CADPS2: variants seen among roughly 807,000 people sequenced by gnomAD.
CADPS2 encodes calcium-dependent secretion activator 2.
CADPS2 carries 93 observed loss-of-function variants against 172.5 expected under a neutral mutation model. The observed-to-expected ratio is 0.54, with a 90% CI of 0.46 to 0.64. The LOEUF is 0.64. Ranked by LOEUF, CADPS2 falls within the 30% of genes least tolerant of loss-of-function variation. The pLI is 0.00. For missense variants in CADPS2, 1,420 were observed against 1,565.9 expected, an observed-to-expected ratio of 0.91 and a Z score of 1.57; for synonymous variants, 546 against 555.2, an observed-to-expected ratio of 0.98 and a Z score of 0.23.
At chr7:122,662,314 G>A (rs2080665530) in intron 3 of CADPS2, among the ~76,000 whole-genome samples, 1 of 148,938 alleles carries the variant, frequency 6.7e-6, no homozygotes, top group South Asian at 2.1e-4. Flanking sequence ...TACATTATTA[G>A]ACAAATCATT....
At chr7:122,385,009 A>G (rs2043452466) in intron 24 of CADPS2, among the ~76,000 whole-genome samples, 2 of 152,084 alleles carry the variant, frequency 1.3e-5, no homozygotes, top group South Asian at 4.1e-4. Flanking sequence ...ACCCAGTATG[A>G]ATGGAAGATG....
chr7:122,884,950 A>G (rs535193542), intron 1 of CADPS2, among the ~76,000 whole-genome samples: 7 of 152,370 alleles, frequency 4.6e-5, no homozygotes, highest in African/African-American at 1.4e-4. Context: ...TGCCTCACAC[A>G]CTGAAGTTAA....
intron 13 of CADPS2, 43 bp downstream of exon 13, chr7:122,474,338 C>A (rs2056365718): frequency 1.3e-6 from 2 of 1,574,750 alleles, no homozygotes; most frequent in Non-Finnish European, 1.7e-6. Context: ...GATCTAAAAT[C>A]TTTTATTCCA....
intron 8 of CADPS2, among the ~76,000 whole-genome samples, chr7:122,514,717 T>C (rs1009992816): frequency 6.6e-6 from 1 of 152,202 alleles, no homozygotes; most frequent in Admixed American, 6.5e-5. Context: ...GTTTATATTA[T>C]TGGAAACTGA....
chr7:122,747,440 G>C (rs1425002616), intron 1 of CADPS2, among the ~76,000 whole-genome samples: 2 of 151,806 alleles, frequency 1.3e-5, no homozygotes, highest in Non-Finnish European at 2.9e-5. Context: ...AATAATGAGG[G>C]ACTCATTCTT....
intron 7 of CADPS2, among the ~76,000 whole-genome samples, chr7:122,563,601 A>G (rs1361997317): frequency 6.6e-6 from 1 of 152,164 alleles, no homozygotes; most frequent in Non-Finnish European, 1.5e-5. Context: ...CATAAATATA[A>G]CAAATTTAGT....
intron 6 of CADPS2, among the ~76,000 whole-genome samples, chr7:122,598,300 CTA>C (rs1427042703): frequency 6.6e-6 from 1 of 151,858 alleles, no homozygotes; most frequent in South Asian, 2.1e-4. Flanking sequence ...AAAATACCCC[CTA>C]TGTTTTTTAA....
At chr7:122,438,845 A>G (rs1175586781) in intron 16 of CADPS2, among the ~76,000 whole-genome samples, 2 of 152,084 alleles carry the variant, frequency 1.3e-5, no homozygotes, top group Non-Finnish European at 2.9e-5. Flanking sequence ...GCACATCCCT[A>G]ATTTAAAAGC....
chr7:122,783,624 T>TA (rs1432383944), intron 1 of CADPS2, among the ~76,000 whole-genome samples: 2 of 152,190 alleles, frequency 1.3e-5, no homozygotes, highest in African/African-American at 4.8e-5. Context: ...CTGAGTGTTG[T>TA]AAACAGTTGC....
chr7:122,558,327 T>C (rs995037012), intron 7 of CADPS2, among the ~76,000 whole-genome samples: 11 of 152,336 alleles, frequency 7.2e-5, no homozygotes, highest in African/African-American at 2.6e-4. Context: ...AGGATCCTTC[T>C]GTATCCTAAA....
At chr7:122,679,265 T>TGTGGGGGC (rs71161322) in intron 2 of CADPS2, among the ~76,000 whole-genome samples, 1 of 39,146 alleles carries the variant, frequency 2.6e-5, no homozygotes, top group Non-Finnish European at 6.0e-5. Context: ...AATGCATTCC[T>TGTGGGGGC]GGGGGGGGGG....
chr7:122,442,268 T>C (rs1304943207), intron 15 of CADPS2, among the ~76,000 whole-genome samples: 1 of 152,204 alleles, frequency 6.6e-6, no homozygotes, highest in Non-Finnish European at 1.5e-5. Flanking sequence ...TATTGCTCTT[T>C]ACCAGGGGGT....
chr7:122,715,065 G>T (rs146235787), intron 2 of CADPS2, among the ~76,000 whole-genome samples: 263 of 152,238 alleles, frequency 1.7e-3, no homozygotes, highest in African/African-American at 5.7e-3. Context: ...AACTGTGAGA[G>T]AATAAGTTTC....
At chr7:122,772,409 G>A (rs2093732517) in intron 1 of CADPS2, among the ~76,000 whole-genome samples, 1 of 152,130 alleles carries the variant, frequency 6.6e-6, no homozygotes, top group Admixed American at 6.6e-5. Context: ...ATTAATGACA[G>A]TCCCACTGAA....
At chr7:122,354,463 A>AT (rs550122430) in intron 27 of CADPS2, 30 of 151,908 alleles carry the variant, frequency 2.0e-4, no homozygotes, top group Non-Finnish European at 4.1e-4. Context: ...TATATACCTG[A>AT]TTTTTTCAAA....
chr7:122,573,251 A>G (rs887740753), intron 7 of CADPS2, among the ~76,000 whole-genome samples: 1 of 152,022 alleles, frequency 6.6e-6, no homozygotes, highest in Non-Finnish European at 1.5e-5. Flanking sequence ...TCTTTTTACA[A>G]CCTTCTCTGA....
intron 3 of CADPS2, among the ~76,000 whole-genome samples, chr7:122,662,372 CTGCT>C (rs2135351419): frequency 8.5e-6 from 1 of 117,320 alleles, no homozygotes; most frequent in South Asian, 2.9e-4. Flanking sequence ...ACCTCCTTCC[CTGCT>C]TTTTTTTTTT....
At chr7:122,334,836 A>G (rs2035590337) in intron 28 of CADPS2, among the ~76,000 whole-genome samples, 1 of 152,244 alleles carries the variant, frequency 6.6e-6, no homozygotes, top group African/African-American at 2.4e-5. Flanking sequence ...AAAACATTTT[A>G]TGTGGAAATA....
chr7:122,866,593 C>T (rs1161312890), intron 1 of CADPS2, among the ~76,000 whole-genome samples: 1 of 152,070 alleles, frequency 6.6e-6, no homozygotes, highest in Non-Finnish European at 1.5e-5. Context: ...CCCAGCTACT[C>T]GAGATGCTGA....
Sources: allele counts gnomAD v4.1 joint callset (sites outside exome capture counted in the v4.1 genomes callset), GRCh38; gene constraint gnomAD v4.1.1; transcripts MANE v1.5; gene names NCBI Gene and HGNC (gene_info 2026-07-23, HGNC 2026-07-21).